The following MALAT1 variants were observed in gnomAD, a reference collection of about 807,000 sequenced individuals.
The protein encoded by MALAT1 is metastasis associated lung adenocarcinoma transcript 1.
exon 3 of MALAT1, chr11:65,502,914 TAATG>T (rs1202021604): frequency 1.2e-5 from 6 of 492,596 alleles, no homozygotes; most frequent in Admixed American, 6.5e-5. Context: ...ACCACAAAAA[TAATG>T]AATTGATGAG....
chr11:65,504,820 G>T (rs1389601370), intron 3 of MALAT1: 1 of 518,918 alleles, frequency 1.9e-6, no homozygotes, highest in Non-Finnish European at 3.8e-6. Context: ...TTACATGCAG[G>T]AACACTCAGC....
exon 3 of MALAT1, chr11:65,499,176 T>A (rs1168788618): frequency 3.9e-6 from 2 of 507,562 alleles, no homozygotes; most frequent in East Asian, 5.5e-5. Context: ...GTCAATAGGT[T>A]ACTAAGATAT....
exon 3 of MALAT1, chr11:65,500,136 G>A (rs748392882): frequency 4.0e-5 from 20 of 497,308 alleles, no homozygotes; most frequent in Non-Finnish European, 6.0e-5. Context: ...GCTAGAAGGG[G>A]AAGTTGGTTA....
chr11:65,506,297 A>G (rs766583772), exon 4 of MALAT1: 2 of 462,862 alleles, frequency 4.3e-6, no homozygotes, highest in East Asian at 6.0e-5. Flanking sequence ...AACTATATAC[A>G]TCCTTGATGT....
chr11:65,498,049 C>T (rs760260094), intron 1 of MALAT1: 10 of 518,842 alleles, frequency 1.9e-5, no homozygotes, highest in African/African-American at 3.9e-5. Flanking sequence ...TATTTTTCTT[C>T]CTGCTCCGGT....
At chr11:65,505,616 G>T (rs966622143) in intron 3 of MALAT1, 2 of 518,996 alleles carry the variant, frequency 3.9e-6, no homozygotes, top group African/African-American at 3.8e-5. Context: ...CCTCGATGCA[G>T]CCAGTAGCTT....
chr11:65,500,749 G>A (rs1554964996), exon 3 of MALAT1: 1 of 519,016 alleles, frequency 1.9e-6, no homozygotes, highest in East Asian at 5.4e-5. Flanking sequence ...AGGCCACAGG[G>A]AAAGCGAGTG....
At chr11:65,498,020 G>A in intron 1 of MALAT1, 2 of 518,950 alleles carry the variant, frequency 3.9e-6, no homozygotes, top group South Asian at 2.8e-5. Flanking sequence ...TTTGGTCTTG[G>A]GGTTTGGAGG....
exon 3 of MALAT1, chr11:65,500,506 A>G: frequency 1.9e-6 from 1 of 518,988 alleles, no homozygotes; most frequent in Non-Finnish European, 3.8e-6. Context: ...AGCAAGCAGC[A>G]GTTCGTGGTG....
At chr11:65,503,888 AAAT>A in exon 3 of MALAT1, 1 of 518,146 alleles carries the variant, frequency 1.9e-6, no homozygotes, top group Non-Finnish European at 3.9e-6. Flanking sequence ...AATAAGGAAT[AAAT>A]AACCTCTTAG....
intron 1 of MALAT1, chr11:65,498,641 G>C (rs779690682): frequency 3.9e-6 from 2 of 518,492 alleles, no homozygotes; most frequent in African/African-American, 3.8e-5. Context: ...GTAATGGAAA[G>C]TAAAGCCCTG....
chr11:65,499,905 G>T (rs552161758), exon 3 of MALAT1: 1 of 431,530 alleles, frequency 2.3e-6, no homozygotes, highest in Admixed American at 2.9e-5. Flanking sequence ...GATAGAAAAT[G>T]AAAAACAAGC....
chr11:65,498,923 G>T (rs1346377193), intron 2 of MALAT1: 2 of 518,830 alleles, frequency 3.9e-6, no homozygotes, highest in South Asian at 2.8e-5. Flanking sequence ...AGTAAAACTA[G>T]AACCTATTTT....
chr11:65,498,688 A>G (rs1384406968), exon 2 of MALAT1: 1 of 518,440 alleles, frequency 1.9e-6, no homozygotes, highest in African/African-American at 1.9e-5. Flanking sequence ...AAAGGTGGTA[A>G]ACTATACCTA....
At chr11:65,504,028 T>G (rs746709554) in intron 3 of MALAT1, 17 of 517,990 alleles carry the variant, frequency 3.3e-5, no homozygotes, top group Non-Finnish European at 6.6e-5. Flanking sequence ...CATGTTAACT[T>G]TAAATGCTTA....
intron 1 of MALAT1, chr11:65,498,166 CCT>C: frequency 1.9e-6 from 1 of 518,916 alleles, no homozygotes; most frequent in Non-Finnish European, 3.8e-6. Flanking sequence ...TGGGTGTGTC[CCT>C]GACTGGCTGC....
intron 3 of MALAT1, chr11:65,505,828 C>A: frequency 2.0e-6 from 1 of 495,524 alleles, no homozygotes. Context: ...GGAGAAATAA[C>A]ATGTTCAAGA....
chr11:65,499,864 A>G (rs1365706821), exon 3 of MALAT1: 1 of 426,754 alleles, frequency 2.3e-6, no homozygotes, highest in Admixed American at 3.0e-5. Context: ...TAGAAACAAG[A>G]TAGAAAATGA....
exon 3 of MALAT1, chr11:65,499,934 A>G: frequency 2.3e-6 from 1 of 434,304 alleles, no homozygotes; most frequent in Non-Finnish European, 4.5e-6. Context: ...GTATTGGAGA[A>G]GTATAGAAGA....
Sources: gnomAD v4.1 joint callset for allele counts on GRCh38, gnomAD v4.1.1 for gene constraint, MANE v1.5 for transcripts, NCBI Gene and HGNC (gene_info 2026-07-23, HGNC 2026-07-21) for gene names.